Variants in PKN2 observed in about 807,000 individuals in gnomAD.
PKN2 encodes serine/threonine-protein kinase N2.
In PKN2, 38 loss-of-function variants were observed where a neutral mutation model predicts 119.1. The observed-to-expected ratio is 0.32, with a 90% CI of 0.25 to 0.42. The LOEUF is 0.42. Ranked by LOEUF, PKN2 falls within the 10% of genes least tolerant of loss-of-function variation. The probability of loss-of-function intolerance (pLI) is 1.00; values close to 1 mark genes in which losing one functional copy is unlikely to be tolerated. For missense variants in PKN2, 850 were observed against 1,165.1 expected, an observed-to-expected ratio of 0.73 and a Z score of 3.94; for synonymous variants, 390 against 384.9, an observed-to-expected ratio of 1.01 and a Z score of -0.15.
chr1:88,828,357 C>G, intron 18 of PKN2, 124 bp from the exon 19 acceptor site: 1 of 719,206 alleles, frequency 1.4e-6, no homozygotes, highest in Non-Finnish European at 2.3e-6. Context: ...TTAGATATGT[C>G]TGAATTTGTT....
At chr1:88,753,930 CCTT>C (rs1669101072) in intron 2 of PKN2, among the ~76,000 whole-genome samples, 1 of 152,128 alleles carries the variant, frequency 6.6e-6, no homozygotes. Context: ...TGTCATTTCA[CCTT>C]CTTCCAGCTT....
Position 88,692,615 on chromosome 1 carries a change from T to C in PKN2, c.48+7987T>C, listed in dbSNP as rs552891112. Among the ~76,000 whole-genome samples the C allele has an allele frequency of 2.6e-5, 4 of 152,354 alleles. No homozygotes were observed. In the East Asian group the frequency reaches 7.7e-4, roughly 29 times the overall value. On this transcript the variant is annotated intron_variant, in intron 1 of 21. Coordinates refer to ENST00000370521, the MANE Select transcript of PKN2 (RefSeq NM_006256.4). ...TGATGCGCATTTTCCTGGTTATCAC[T>C]GATGTAGAACACTTCTTTTTATGTT...
intron 15 of PKN2, among the ~76,000 whole-genome samples, chr1:88,811,843 A>G (rs1026486039): frequency 6.6e-6 from 1 of 152,152 alleles, no homozygotes; most frequent in Admixed American, 6.5e-5. Flanking sequence ...ATCAACTGAC[A>G]TTTGTGTTGC....
chr1:88,801,618 G>GT (rs1245746259), intron 8 of PKN2, among the ~76,000 whole-genome samples: 2 of 152,166 alleles, frequency 1.3e-5, no homozygotes, highest in Admixed American at 1.3e-4. Context: ...TGTGAAGAAA[G>GT]TAACGCTCAC....
At chr1:88,811,313 T>G (rs1262099401) in intron 15 of PKN2, among the ~76,000 whole-genome samples, 3 of 152,334 alleles carry the variant, frequency 2.0e-5, no homozygotes. Context: ...TTCTAAGACC[T>G]TGGTTTTATT....
In PKN2 at chr1:88,833,692, C is replaced by T. The variant is rs547294133; in HGVS notation, c.*244C>T. 28 of 408,582 alleles carry T rather than the reference C, an allele frequency of 6.9e-5. No homozygotes were observed. Among genetic ancestry groups the T allele is most frequent in the South Asian group, 1.0e-4 (2 of 20,070 alleles). 25.3% of individuals were successfully genotyped at this position (408,582 alleles called of 1,614,324 possible). On this transcript the variant is annotated 3_prime_UTR_variant, in exon 22 of 22. Transcript: ENST00000370521. ...CATGGAGTTTAAGTTGAGTGAACAT[C>T]GGCCATGAAAATCCATCACGAATAC... is the stretch of plus-strand genomic sequence containing the variant.
intron 8 of PKN2, among the ~76,000 whole-genome samples, chr1:88,789,737 T>G (rs1344501434): frequency 6.6e-6 from 1 of 151,846 alleles, no homozygotes; most frequent in Non-Finnish European, 1.5e-5. Flanking sequence ...ACTTTTCATT[T>G]ATTGGTTTCT....
At chr1:88,810,201 A>G (rs1277874337) in intron 15 of PKN2, among the ~76,000 whole-genome samples, 3 of 151,824 alleles carry the variant, frequency 2.0e-5, no homozygotes, top group African/African-American at 7.3e-5. Flanking sequence ...GCTCACTGCA[A>G]CCTCTCCCTT....
At chr1:88,735,860 T>G (rs781476539) in intron 1 of PKN2, among the ~76,000 whole-genome samples, 7 of 152,170 alleles carry the variant, frequency 4.6e-5, no homozygotes, top group Non-Finnish European at 8.8e-5. Flanking sequence ...TGTACCTGGA[T>G]AATTTGTATC....
chr1:88,744,816 C>T (rs1668710172), intron 2 of PKN2, among the ~76,000 whole-genome samples: 1 of 152,124 alleles, frequency 6.6e-6, no homozygotes, highest in South Asian at 2.1e-4. Flanking sequence ...AACTTTTAAA[C>T]TATAAAACTC....
chr1:88,833,179 T>G, intron 21 of PKN2, 22 bp downstream of exon 21: 1 of 1,610,702 alleles, frequency 6.2e-7, no homozygotes, highest in Non-Finnish European at 8.5e-7. Flanking sequence ...TATTTAAAAT[T>G]TTTTATGAAA....
At chr1:88,720,910 G>A (rs1357083115) in intron 1 of PKN2, among the ~76,000 whole-genome samples, 1 of 152,174 alleles carries the variant, frequency 6.6e-6, no homozygotes, top group Non-Finnish European at 1.5e-5. Flanking sequence ...ACTTCACTTA[G>A]AATAGTTGTC....
chr1:88,815,426 T>C, intron 16 of PKN2: 1 of 354,668 alleles, frequency 2.8e-6, no homozygotes, highest in Non-Finnish European at 5.4e-6. Context: ...CTCTATTTTC[T>C]GTATTATCTT....
At chr1:88,718,556 A>C (rs1667546948) in intron 1 of PKN2, among the ~76,000 whole-genome samples, 1 of 152,198 alleles carries the variant, frequency 6.6e-6, no homozygotes, top group South Asian at 2.1e-4. Context: ...TATAAATTTA[A>C]ATATATCCTA....
chr1:88,802,533 C>T (rs747745351), intron 8 of PKN2, among the ~76,000 whole-genome samples: 3 of 152,040 alleles, frequency 2.0e-5, no homozygotes, highest in East Asian at 1.9e-4. Context: ...CCATGTTGGC[C>T]GTTGCTAGTC....
At chr1:88,768,010 GC>G (rs200439194) in intron 3 of PKN2, among the ~76,000 whole-genome samples, 9,450 of 152,226 alleles carry the variant, frequency 0.062, no homozygotes, top group African/African-American at 0.16. Context: ...AGTACTGATT[GC>G]CTTAGTGATT....
intron 1 of PKN2, among the ~76,000 whole-genome samples, chr1:88,720,866 G>T (rs954518179): frequency 4.6e-5 from 7 of 152,184 alleles, no homozygotes; most frequent in African/African-American, 1.7e-4. Flanking sequence ...TTATGAGTGA[G>T]AACATATGAT....
intron 1 of PKN2, among the ~76,000 whole-genome samples, chr1:88,727,801 C>G (rs1304019188): frequency 6.6e-6 from 1 of 152,130 alleles, no homozygotes; most frequent in Non-Finnish European, 1.5e-5. Flanking sequence ...CCATTTTAAT[C>G]TACACTTTTT....
intron 3 of PKN2, among the ~76,000 whole-genome samples, chr1:88,766,938 A>G (rs1267350701): frequency 2.0e-5 from 3 of 152,218 alleles, no homozygotes; most frequent in Non-Finnish European, 2.9e-5. Flanking sequence ...AAAATAAAAT[A>G]CAAGTGCTGT....
Sources: allele counts gnomAD v4.1 joint callset (sites outside exome capture counted in the v4.1 genomes callset), GRCh38; gene constraint gnomAD v4.1.1; transcripts MANE v1.5; gene names NCBI Gene and HGNC (gene_info 2026-07-23, HGNC 2026-07-21).